The following ARK2N variants were observed in gnomAD, a reference collection of about 807,000 sequenced individuals.
ARK2N encodes arkadia (RNF111) N-terminal like PKA signaling regulator 2N, also known as protein ARK2N.
At chr18:46,181,714 C>CA in the ARK2N span, among the ~76,000 whole-genome samples, 539 of 148,310 alleles carry the variant, frequency 3.6e-3, 1 homozygote, top group Non-Finnish European at 6.3e-3. Context: ...GACTCCGTCT[C>CA]AAAAAAAAAC....
chr18:46,205,002 G>A, the ARK2N span, among the ~76,000 whole-genome samples: 1 of 150,858 alleles, frequency 6.6e-6, no homozygotes. Context: ...GGAGTGCAGT[G>A]GTGCGATCTC....
chr18:46,213,749 C>T, the ARK2N span, among the ~76,000 whole-genome samples: 2 of 151,950 alleles, frequency 1.3e-5, no homozygotes, highest in African/African-American at 4.8e-5. Context: ...CAGGCTGGAA[C>T]GCAGTGGCGT....
At chr18:46,212,517 C>G in the ARK2N span, among the ~76,000 whole-genome samples, 20 of 151,904 alleles carry the variant, frequency 1.3e-4, no homozygotes, top group Non-Finnish European at 2.6e-4. Flanking sequence ...ATATAAAGTG[C>G]TTTCTCATTT....
the ARK2N span, among the ~76,000 whole-genome samples, chr18:46,252,029 C>T: frequency 6.6e-6 from 1 of 151,942 alleles, no homozygotes; most frequent in African/African-American, 2.4e-5. Flanking sequence ...CCCATCTCTA[C>T]TAAAACTACA....
the ARK2N span, among the ~76,000 whole-genome samples, chr18:46,187,316 A>G: frequency 1.3e-5 from 2 of 149,380 alleles, no homozygotes; most frequent in East Asian, 4.1e-4. Flanking sequence ...TCAGCAGTAG[A>G]TGCCAACTAT....
At chr18:46,243,352 C>A in the ARK2N span, among the ~76,000 whole-genome samples, 1 of 152,138 alleles carries the variant, frequency 6.6e-6, no homozygotes, top group Non-Finnish European at 1.5e-5. Flanking sequence ...TTCCCTTTCA[C>A]AACAAAATAG....
At chr18:46,222,321 G>C in the ARK2N span, among the ~76,000 whole-genome samples, 1 of 152,098 alleles carries the variant, frequency 6.6e-6, no homozygotes, top group Non-Finnish European at 1.5e-5. Context: ...AAACAGTGGA[G>C]TCTGGTTTTT....
the ARK2N span, among the ~76,000 whole-genome samples, chr18:46,197,828 G>A: frequency 6.6e-6 from 1 of 152,180 alleles, no homozygotes; most frequent in African/African-American, 2.4e-5. Flanking sequence ...GTAGTTCCTT[G>A]ATTAGGACTT....
At chr18:46,222,391 T>G in the ARK2N span, among the ~76,000 whole-genome samples, 1 of 152,218 alleles carries the variant, frequency 6.6e-6, no homozygotes, top group Non-Finnish European at 1.5e-5. Context: ...AAGCATTAAG[T>G]GCCCTCTTTT....
the ARK2N span, among the ~76,000 whole-genome samples, chr18:46,208,464 C>CTTTTTTTTTTTTT: frequency 1.5e-5 from 1 of 68,364 alleles, no homozygotes; most frequent in Non-Finnish European, 2.8e-5. Flanking sequence ...GTTCTTAAAT[C>CTTTTTTTTTTTTT]TTTTTTTTTT....
chr18:46,235,968 A>G, the ARK2N span, among the ~76,000 whole-genome samples: 2 of 152,262 alleles, frequency 1.3e-5, no homozygotes, highest in African/African-American at 4.8e-5. Context: ...GCTTAAGGTC[A>G]TAAGAGGGTA....
At chr18:46,216,673 A>C in the ARK2N span, 3 of 1,286,706 alleles carry the variant, frequency 2.3e-6, no homozygotes, top group Admixed American at 2.7e-5. This position sits in a 1 kb window ranked among gnomAD's most constrained non-coding sequence, Gnocchi z 4.3. Flanking sequence ...GATGAGTGAC[A>C]CTTGAAAAAA....
the ARK2N span, among the ~76,000 whole-genome samples, chr18:46,198,027 TGTG>T: frequency 5.3e-5 from 8 of 151,990 alleles, no homozygotes; most frequent in African/African-American, 1.7e-4. Context: ...GTGGGCCAGG[TGTG>T]GTGGCTCACG....
chr18:46,192,933 ACGC>A, the ARK2N span, among the ~76,000 whole-genome samples: 1 of 150,280 alleles, frequency 6.7e-6, no homozygotes, highest in Non-Finnish European at 1.5e-5. Context: ...GCAGTGGCTC[ACGC>A]CTGGAATCCC....
At chr18:46,259,398 C>T in the ARK2N span, among the ~76,000 whole-genome samples, 2 of 151,896 alleles carry the variant, frequency 1.3e-5, no homozygotes, top group Admixed American at 6.6e-5. Context: ...CGCATGCCAC[C>T]GTGCCTGGCT....
chr18:46,216,144 C>A, the ARK2N span: 1 of 1,614,034 alleles, frequency 6.2e-7, no homozygotes, highest in African/African-American at 1.3e-5. This position sits in a 1 kb window ranked among gnomAD's most constrained non-coding sequence, Gnocchi z 4.3. Context: ...ATGAGAGTGA[C>A]TCCTCTAATC....
At chr18:46,185,049 T>A in the ARK2N span, among the ~76,000 whole-genome samples, 1 of 152,228 alleles carries the variant, frequency 6.6e-6, no homozygotes, top group Non-Finnish European at 1.5e-5. Flanking sequence ...CTGTGAGAAA[T>A]CATGTTGATT....
At chr18:46,229,366 G>T in the ARK2N span, among the ~76,000 whole-genome samples, 9 of 151,826 alleles carry the variant, frequency 5.9e-5, no homozygotes, top group African/African-American at 2.2e-4. Context: ...GTTGTTTTTT[G>T]AGACAGAGTC....
chr18:46,214,845 G>T, the ARK2N span, among the ~76,000 whole-genome samples: 3 of 152,196 alleles, frequency 2.0e-5, no homozygotes, highest in Non-Finnish European at 4.4e-5. Flanking sequence ...AATTCAGCAT[G>T]ATGAGGTATG....
Sources: allele counts gnomAD v4.1 joint callset (sites outside exome capture counted in the v4.1 genomes callset), GRCh38; gene constraint gnomAD v4.1.1; non-coding constraint Gnocchi (gnomAD v3.1); transcripts MANE v1.5; gene names NCBI Gene and HGNC (gene_info 2026-07-23, HGNC 2026-07-21).